The following CEP72 variants were observed in gnomAD, a reference collection of about 807,000 sequenced individuals.
The protein encoded by CEP72 is centrosomal protein of 72 kDa.
In CEP72, 78 loss-of-function variants were observed where a neutral mutation model predicts 65.7. The observed-to-expected ratio is 1.19, with a 90% CI of 0.99 to 1.43. CEP72 has a LOEUF of 1.43. CEP72 is among the 40% of genes most tolerant of loss of function. The pLI is 0.00. For missense variants in CEP72, 914 were observed against 832.9 expected, an observed-to-expected ratio of 1.10 and a Z score of -1.20; for synonymous variants, 358 against 351.7, an observed-to-expected ratio of 1.02 and a Z score of -0.20.
chr5:638,650 C>T (rs769170102), intron 7 of CEP72, among the ~76,000 whole-genome samples: 10 of 151,980 alleles, frequency 6.6e-5, no homozygotes, highest in Non-Finnish European at 1.2e-4. Flanking sequence ...GGGAGGTGGG[C>T]GGTCTGTTTC....
chr5:612,489 G>T (rs1354618014), intron 1 of CEP72, 46 bp downstream of exon 1: 10 of 1,376,806 alleles, frequency 7.3e-6, no homozygotes, highest in Admixed American at 3.1e-5. Context: ...GTGGCGGGGG[G>T]GTGGGTGCCG....
chr5:633,920 C>G lies in CEP72; in HGVS notation c.664C>G (p.Arg222Gly), dbSNP rs767316211. Reference sequence around the variant, plus strand: ...GAGCACGAGCTTCAGCCAGAAGGGGCGTGAGGCCGACTCTCGTGGTTCCCA... The same window carrying G: ...GAGCACGAGCTTCAGCCAGAAGGGGGGTGAGGCCGACTCTCGTGGTTCCCA... ...PGSTSFSQKG[R>G]EADSRGSQES... The change falls in exon 5 of 12, where the codon CGT (arginine) becomes GGT (glycine). Residue 222 changes from arginine to glycine, a missense_variant. By Grantham distance (125) the Arg-to-Gly change is moderately radical. Coordinates refer to ENST00000264935, the MANE Select transcript of CEP72 (RefSeq NM_018140.4). 1.2e-6 allele frequency: 2 copies of G among 1,612,534 alleles called. No individual in the cohort carries two copies. Among genetic ancestry groups the G allele is most frequent in the South Asian group, 2.2e-5 (2 of 91,074 alleles).
chr5:665,190 C>G, exon 3 of CEP72: 1 of 1,613,870 alleles, frequency 6.2e-7, no homozygotes, highest in Non-Finnish European at 8.5e-7. Context: ...ATCCACGCGG[C>G]CAGCCTTGCC....
chr5:675,633 G>A, the CEP72 span, among the ~76,000 whole-genome samples: 1 of 151,872 alleles, frequency 6.6e-6, no homozygotes, highest in African/African-American at 2.4e-5. Flanking sequence ...AGTGCCAGAG[G>A]TGCAGGCTGT....
chr5:660,657 A>G (rs899914688), downstream of CEP72: 4 of 152,460 alleles, frequency 2.6e-5, no homozygotes, highest in African/African-American at 9.6e-5. Context: ...TCCAGGGCCA[A>G]GGCATCTCCA....
chr5:633,869 G>T lies in CEP72; in HGVS notation c.613G>T (p.Glu205Ter). 1.9e-6 allele frequency: 3 copies of T among 1,613,778 alleles called. No homozygotes were observed. The highest frequency in any genetic ancestry group is 4.5e-5 in the East Asian group (2 of 44,888). Reference sequence around the variant, plus strand: ...AGTCCTGAACCTCATTGCAGAGTGCGAGTGGGACCTCGGCAGGCCTCCCGG... The same window carrying T: ...AGTCCTGAACCTCATTGCAGAGTGCTAGTGGGACCTCGGCAGGCCTCCCGG... ...EAVLNLIAEC[E>*]WDLGRPPGST... is the part of the protein sequence containing the mutation. Residue 205 changes from glutamate (E) to a stop codon, truncating the protein, a stop_gained, in exon 5 of 12, where the codon GAG becomes TAG. Transcript: ENST00000264935. LOFTEE classifies it high-confidence loss of function.
chr5:612,493 G>A, intron 1 of CEP72, 50 bp downstream of exon 1: 1 of 1,360,386 alleles, frequency 7.4e-7, no homozygotes, highest in Non-Finnish European at 9.5e-7. Flanking sequence ...CGGGGGGGTG[G>A]GTGCCGAGCT....
downstream of CEP72, among the ~76,000 whole-genome samples, chr5:654,528 C>T (rs146886051): frequency 2.3e-4 from 35 of 152,198 alleles, no homozygotes; most frequent in Non-Finnish European, 3.2e-4. Context: ...GTCTCTTCCC[C>T]GAAGAGGACT....
At chr5:635,815 C>T (rs1737554813) in intron 6 of CEP72, among the ~76,000 whole-genome samples, 1 of 152,282 alleles carries the variant, frequency 6.6e-6, no homozygotes, top group South Asian at 2.1e-4. Flanking sequence ...TTATCGGGAA[C>T]CCAGCCCTGC....
At chr5:613,915 C>T (rs940108546) in intron 1 of CEP72, among the ~76,000 whole-genome samples, 2 of 152,186 alleles carry the variant, frequency 1.3e-5, no homozygotes, top group Non-Finnish European at 2.9e-5. Context: ...ACTGTAACCT[C>T]GTGACAAAAT....
At chr5:614,943 T>C (rs1027564260) in intron 1 of CEP72, among the ~76,000 whole-genome samples, 5 of 152,148 alleles carry the variant, frequency 3.3e-5, no homozygotes, top group Non-Finnish European at 7.4e-5. Context: ...TTCTTCTGTA[T>C]CCTTGCTGAT....
At position 640,620 on chromosome 5, in the gene CEP72, C is replaced by T. The variant is rs760728159; in HGVS notation, c.1539+16C>T. Reference sequence around the variant, plus strand: ...CAAGGAGCTGGTGAGCCCGCCCTGGCGCTGTGTCTGTGTCCATGTGACTGG... The same window carrying T: ...CAAGGAGCTGGTGAGCCCGCCCTGGTGCTGTGTCTGTGTCCATGTGACTGG... On this transcript the variant is annotated intron_variant, in intron 9 of 11. Coordinates refer to ENST00000264935, the MANE Select transcript of CEP72 (RefSeq NM_018140.4). The T allele has an allele frequency of 2.1e-5, 34 of 1,600,814 alleles. No homozygotes were observed. The highest frequency in any genetic ancestry group is 4.5e-5 in the East Asian group (2 of 44,702).
chr5:641,819 G>C (rs1697981), intron 9 of CEP72: 77,338 of 402,022 alleles, frequency 0.19, 19,824 homozygotes, highest in Admixed American at 0.55. Context: ...CGTGGTCCCC[G>C]GTCCAGAAGC....
rs1367646060 is a variant in CEP72 at position 643,691 on chromosome 5, C to T, written c.1540-608C>T. ...CCAGGTGAGACGGGATCCCTGGGGA[C>T]CCTGGCCGCAGGTGCTGGCGGCTTG... On this transcript the variant is annotated intron_variant, in intron 9 of 11. Coordinates refer to ENST00000264935, the MANE Select transcript of CEP72 (RefSeq NM_018140.4). 4 of 983,918 alleles carry T rather than the reference C, an allele frequency of 4.1e-6. No individual in the cohort carries two copies. In the East Asian group the frequency reaches 4.5e-4, roughly 112 times the overall value. The allele number at this position is 983,918 out of a possible 1,614,324, so 60.9% of individuals were successfully genotyped here. A position where few individuals can be genotyped will look rare whatever the true frequency, so the allele number is the denominator to read the frequency against.
chr5:673,964 T>C, the CEP72 span, among the ~76,000 whole-genome samples: 11 of 152,222 alleles, frequency 7.2e-5, no homozygotes, highest in Non-Finnish European at 1.5e-4. Context: ...CATGCGGCCA[T>C]GTGCATGCAC....
In CEP72 at chr5:627,643, T is replaced by C. The variant is rs74292141; in HGVS notation, c.512+3064T>C. On this transcript the variant is annotated intron_variant, in intron 4 of 11. Transcript: ENST00000264935. ...GGAGGGCTAGAATTTGGAGCTCTTTTGTCTGCCATTTTTTGCTGACACCAC... is the reference window on the plus strand; with the variant it reads ...GGAGGGCTAGAATTTGGAGCTCTTTCGTCTGCCATTTTTTGCTGACACCAC... 3.3e-5 allele frequency among the ~76,000 whole-genome samples: 5 copies of C among 152,348 alleles called. No homozygotes were observed. The East Asian group carries it at 9.6e-4, about 29-fold the overall frequency.
In CEP72 at chr5:624,019, T is replaced by A. The variant is rs1736571036; in HGVS notation, c.404-452T>A. On this transcript the variant is annotated intron_variant, in intron 3 of 11. Transcript: ENST00000264935. The surrounding 1 kb of genome is among the most constrained non-coding windows in gnomAD (Gnocchi z 4.7). ...TACATGAGGAAGCTCCAGGAGTTCT[T>A]GGGTGGGAGCCTGGTGGCCCCAGGT... Among the ~76,000 whole-genome samples, 1 of 152,096 alleles carries A rather than the reference T, an allele frequency of 6.6e-6. No homozygotes were observed. Among genetic ancestry groups the A allele is most frequent in the Admixed American group, 6.5e-5 (1 of 15,272 alleles).
chr5:669,015 C>T (rs182423142), downstream of CEP72, among the ~76,000 whole-genome samples: 1 of 152,242 alleles, frequency 6.6e-6, no homozygotes, highest in South Asian at 2.1e-4. Flanking sequence ...AAAGACACAA[C>T]AGACACCATC....
Position 612,785 on chromosome 5 carries a change from G to A in CEP72, c.82+342G>A, listed in dbSNP as rs920919421. On this transcript the variant is annotated intron_variant, in intron 1 of 11. Coordinates refer to ENST00000264935, the MANE Select transcript of CEP72 (RefSeq NM_018140.4). Reference sequence around the variant, plus strand: ...CCTCCCGCTGGGGATCACCTCCCTGGTTCTCCTGGGCCCACTCTGTGGTGA... The same window carrying A: ...CCTCCCGCTGGGGATCACCTCCCTGATTCTCCTGGGCCCACTCTGTGGTGA... 7.9e-5 allele frequency among the ~76,000 whole-genome samples: 12 copies of A among 152,382 alleles called. 1 individual carries two copies. Among genetic ancestry groups the A allele is most frequent in the African/African-American group, 2.9e-4 (12 of 41,596 alleles).
Sources: allele counts gnomAD v4.1 joint callset (sites outside exome capture counted in the v4.1 genomes callset), GRCh38; gene constraint gnomAD v4.1.1; non-coding constraint Gnocchi (gnomAD v3.1); transcripts MANE v1.5; gene names NCBI Gene and HGNC (gene_info 2026-07-23, HGNC 2026-07-21).